Variants in LPGAT1 observed in about 807,000 individuals in gnomAD.
LPGAT1 encodes acyl-CoA:lysophosphatidylglycerol acyltransferase 1.
In LPGAT1, 11 loss-of-function variants were observed where a neutral mutation model predicts 47.5. That is an observed-to-expected ratio of 0.23 (90% CI 0.15 to 0.38). The LOEUF is 0.38. Ranked by LOEUF, LPGAT1 falls within the 10% of genes least tolerant of loss-of-function variation. The pLI is 1.00. For synonymous variants in LPGAT1, 138 were observed against 144.2 expected (o/e 0.96, Z 0.31); for missense variants, 293 against 439.0 (o/e 0.67, Z 2.97).
At chr1:211,794,042 A>T (rs146632692) in intron 2 of LPGAT1, among the ~76,000 whole-genome samples, 30 of 152,360 alleles carry the variant, frequency 2.0e-4, no homozygotes, top group African/African-American at 7.0e-4. Context: ...CAATGCACTG[A>T]AAAACGTCTA....
chr1:211,794,722 C>G (rs893124400), intron 2 of LPGAT1, among the ~76,000 whole-genome samples: 2 of 152,184 alleles, frequency 1.3e-5, no homozygotes, highest in African/African-American at 2.4e-5. Context: ...CATTAGTATT[C>G]TTTACCCTAA....
chr1:211,760,076 AGAG>A (rs527249531), intron 6 of LPGAT1, among the ~76,000 whole-genome samples: 104 of 152,374 alleles, frequency 6.8e-4, no homozygotes, highest in African/African-American at 2.4e-3. Context: ...ACTTAGGTAT[AGAG>A]GATGGCTAGT....
chr1:211,787,016 T>C (rs1353895505), intron 4 of LPGAT1, among the ~76,000 whole-genome samples: 9 of 150,598 alleles, frequency 6.0e-5, no homozygotes, highest in Non-Finnish European at 1.3e-4. Context: ...ATTTAAATAA[T>C]TTGCCCAATT....
intron 3 of LPGAT1, among the ~76,000 whole-genome samples, chr1:211,791,473 A>G (rs1418511561): frequency 6.6e-6 from 1 of 152,038 alleles, no homozygotes; most frequent in East Asian, 1.9e-4. Flanking sequence ...AGTATTGTTT[A>G]TGGCTCATGC....
chr1:211,810,454 G>A (rs895732383), intron 2 of LPGAT1, among the ~76,000 whole-genome samples: 2 of 152,086 alleles, frequency 1.3e-5, no homozygotes, highest in African/African-American at 4.8e-5. Flanking sequence ...CAGATAGACT[G>A]GAATCTTGAA....
rs1656863463 is a variant in LPGAT1 at position 211,744,486 on chromosome 1, G to T, written c.*5413C>A. 1 of 152,128 alleles carries T rather than the reference G, an allele frequency of 6.6e-6. No individual in the cohort carries two copies. The highest frequency in any genetic ancestry group is 2.1e-4 in the South Asian group (1 of 4,826). The allele number at this position is 152,128 out of a possible 1,614,324, so 9.4% of individuals were successfully genotyped here. ...GAAATGAGTTAGATTTGGACAGTCT[G>T]CCATTTTTCAAATCACAGTTGAAAG... On this transcript the variant is annotated 3_prime_UTR_variant, in exon 8 of 8. Transcript: ENST00000366997.
intron 2 of LPGAT1, among the ~76,000 whole-genome samples, chr1:211,817,466 G>A (rs373122886): frequency 6.6e-6 from 1 of 152,042 alleles, no homozygotes; most frequent in African/African-American, 2.4e-5. Flanking sequence ...AGCTACTCAG[G>A]AGGCTGAGGC....
Position 211,749,778 on chromosome 1 carries a change from C to A in LPGAT1, c.*121G>T. ...TCCCAAAGGGGGATAAATATTAATC[C>A]ATCCATTGAATTTCTTTTGCTTTTT... On this transcript the variant is annotated 3_prime_UTR_variant, in exon 8 of 8. Transcript: ENST00000366997. 1 of 938,278 alleles carries A rather than the reference C, an allele frequency of 1.1e-6. No homozygotes were observed. 58.1% of individuals were successfully genotyped at this position (938,278 alleles called of 1,614,324 possible). A position where few individuals can be genotyped will look rare whatever the true frequency, so the allele number is the denominator to read the frequency against.
rs1656961494 is a variant in LPGAT1, at chr1:211,746,776, C to A, written c.*3123G>T. ...TATTATTTTCCATTCTGTAATTTTT[C>A]TTTACCTTCCATTACTTACAGGTTT... On this transcript the variant is annotated 3_prime_UTR_variant, in exon 8 of 8. Coordinates refer to ENST00000366997, the MANE Select transcript of LPGAT1 (RefSeq NM_014873.3). 6.6e-6 allele frequency: 1 copy of A among 152,122 alleles called. No homozygotes were observed. Among genetic ancestry groups the A allele is most frequent in the Admixed American group, 6.5e-5 (1 of 15,272 alleles). The allele number at this position is 152,122 out of a possible 1,614,324, so 9.4% of individuals were successfully genotyped here.
At chr1:211,802,078 ACT>A (rs1025359858) in intron 2 of LPGAT1, among the ~76,000 whole-genome samples, 1 of 130,754 alleles carries the variant, frequency 7.6e-6, no homozygotes, top group African/African-American at 2.9e-5. Flanking sequence ...ACAGAGTGAG[ACT>A]CTGTCTCAAA....
rs1267882840 is a variant in LPGAT1, at chr1:211,747,075, A to C, written c.*2824T>G. On this transcript the variant is annotated 3_prime_UTR_variant, in exon 8 of 8. Coordinates refer to ENST00000366997, the MANE Select transcript of LPGAT1 (RefSeq NM_014873.3). The stretch of plus-strand genomic sequence containing the variant: ...TTATCTTCTTTCCTCTTGACAAAAT[A>C]TATATACTTTAAACGTCCTTTCATC... 6.6e-6 allele frequency: 1 copy of C among 152,226 alleles called. No individual in the cohort carries two copies. The highest frequency in any genetic ancestry group is 2.4e-5 in the African/African-American group (1 of 41,450). The allele number at this position is 152,226 out of a possible 1,614,324, so 9.4% of individuals were successfully genotyped here. A position where few individuals can be genotyped will look rare whatever the true frequency, so the allele number is the denominator to read the frequency against.
chr1:211,775,651 G>A (rs749500401), intron 6 of LPGAT1, among the ~76,000 whole-genome samples: 7 of 151,976 alleles, frequency 4.6e-5, no homozygotes, highest in Non-Finnish European at 1.0e-4. Flanking sequence ...TTTCATGGCC[G>A]GGCGCAGTGG....
intron 2 of LPGAT1, among the ~76,000 whole-genome samples, chr1:211,798,484 G>A (rs1222864099): frequency 6.6e-6 from 1 of 152,038 alleles, no homozygotes; most frequent in Non-Finnish European, 1.5e-5. Context: ...CAGGAGTTCA[G>A]GACCAGTCTG....
intron 3 of LPGAT1, chr1:211,792,512 A>G (rs980545563): frequency 2.7e-5 from 4 of 149,398 alleles, no homozygotes; most frequent in African/African-American, 9.8e-5. Flanking sequence ...CCCAGTTACT[A>G]TTTTTTAAAA....
At chr1:211,753,095 C>A (rs1657273178) in intron 6 of LPGAT1, among the ~76,000 whole-genome samples, 1 of 152,208 alleles carries the variant, frequency 6.6e-6, no homozygotes, top group Non-Finnish European at 1.5e-5. Flanking sequence ...ATTTCACCTT[C>A]CTAAAGAAAT....
chr1:211,793,495 C>G (rs111816498), intron 2 of LPGAT1, among the ~76,000 whole-genome samples: 3 of 151,742 alleles, frequency 2.0e-5, no homozygotes, highest in African/African-American at 7.2e-5. Context: ...TGTAGTGGTG[C>G]GATCTTGGCT....
At chr1:211,791,608 C>T (rs542764997) in intron 3 of LPGAT1, among the ~76,000 whole-genome samples, 1 of 152,128 alleles carries the variant, frequency 6.6e-6, no homozygotes, top group Non-Finnish European at 1.5e-5. Flanking sequence ...ATTAGCCAGG[C>T]ATGGTACCCG....
chr1:211,749,769 A>G lies in LPGAT1; in HGVS notation c.*130T>C. On this transcript the variant is annotated 3_prime_UTR_variant, in exon 8 of 8. Transcript: ENST00000366997. ...TTTAAAATATCCCAAAGGGGGATAA[A>G]TATTAATCCATCCATTGAATTTCTT... 1 of 906,084 alleles carries G rather than the reference A, an allele frequency of 1.1e-6. No individual in the cohort carries two copies. The highest frequency in any genetic ancestry group is 1.8e-6 in the Non-Finnish European group (1 of 569,242). 56.1% of individuals were successfully genotyped at this position (906,084 alleles called of 1,614,324 possible).
intron 6 of LPGAT1, among the ~76,000 whole-genome samples, chr1:211,767,216 G>A (rs923466077): frequency 6.6e-6 from 1 of 152,158 alleles, no homozygotes; most frequent in African/African-American, 2.4e-5. Context: ...TTGGCTCACT[G>A]CAACCTCTGC....
Sources: allele counts gnomAD v4.1 joint callset (sites outside exome capture counted in the v4.1 genomes callset), GRCh38; gene constraint gnomAD v4.1.1; transcripts MANE v1.5; gene names NCBI Gene and HGNC (gene_info 2026-07-23, HGNC 2026-07-21).